Variants in IQCM observed in about 807,000 individuals in gnomAD.
IQCM encodes the protein IQ motif containing M, also known as IQ domain-containing protein M.
In IQCM, 45 loss-of-function variants were observed where a neutral mutation model predicts 57.6. The ratio of observed to expected loss-of-function variants is 0.78; its 90% CI spans 0.62 to 1.00. The LOEUF is 1.00. Among genes scored for constraint, IQCM ranks in the 50% least tolerant of loss-of-function variants. The pLI, the probability that IQCM is intolerant of heterozygous loss-of-function variation, is 0.00. For synonymous variants in IQCM, 148 were observed against 158.9 expected (o/e 0.93, Z 0.51); for missense variants, 468 against 511.6 (o/e 0.91, Z 0.82).
intron 9 of IQCM, among the ~76,000 whole-genome samples, chr4:149,583,366 C>T (rs1752380796): frequency 6.6e-6 from 1 of 151,444 alleles, no homozygotes; most frequent in African/African-American, 2.4e-5. Flanking sequence ...GGCTGATGAC[C>T]AGCCTCTGAA....
intron 2 of IQCM, among the ~76,000 whole-genome samples, chr4:149,796,171 G>A (rs1233705102): frequency 1.3e-4 from 20 of 152,164 alleles, no homozygotes; most frequent in Admixed American, 1.3e-3. Flanking sequence ...GGGGACAGAG[G>A]GGAGCCCACT....
At chr4:149,736,431 C>T (rs537332515) in intron 3 of IQCM, among the ~76,000 whole-genome samples, 2 of 152,258 alleles carry the variant, frequency 1.3e-5, no homozygotes, top group East Asian at 3.9e-4. Flanking sequence ...GATCCTGACA[C>T]TTATAAGTGT....
chr4:149,716,217 C>A lies in IQCM; in HGVS notation c.385+17027G>T, dbSNP rs548340463. On this transcript the variant is annotated intron_variant, in intron 5 of 13. Coordinates refer to ENST00000636793, the MANE Select transcript of IQCM (RefSeq NM_001363507.2). The stretch of plus-strand genomic sequence containing the variant: ...TCCCACACCGAGCTGCCTTCAGCAA[C>A]CCCCTTGGCCTCCGTCCCATGCTTG... Among the ~76,000 whole-genome samples the A allele has an allele frequency of 1.1e-3, 174 of 152,364 alleles. 1 individual carries two copies. The highest frequency in any genetic ancestry group is 1.7e-3 in the Non-Finnish European group (115 of 68,040).
intron 13 of IQCM, among the ~76,000 whole-genome samples, chr4:149,382,774 T>A (rs1456325872): frequency 6.6e-6 from 1 of 152,088 alleles, no homozygotes; most frequent in African/African-American, 2.4e-5. Flanking sequence ...AAGGCCCTAT[T>A]ATGTAATTGT....
At chr4:149,593,328 G>A (rs1753403457) in intron 8 of IQCM, among the ~76,000 whole-genome samples, 1 of 152,248 alleles carries the variant, frequency 6.6e-6, no homozygotes. Flanking sequence ...CTTTGCTGAA[G>A]TTGCCTACCA....
At chr4:149,514,174 C>T (rs909649188) in intron 12 of IQCM, among the ~76,000 whole-genome samples, 2 of 152,116 alleles carry the variant, frequency 1.3e-5, no homozygotes, top group Non-Finnish European at 2.9e-5. Context: ...ATTCCTAGTA[C>T]TTGACCCAAA....
rs2149888790 is a variant in IQCM, at chr4:149,733,371, CCTTCT to C, written c.253_257del (p.Arg85AspfsTer29). The C allele has an allele frequency of 8.1e-7, 1 of 1,231,784 alleles. No homozygotes were observed. Among genetic ancestry groups the C allele is most frequent in the African/African-American group, 1.6e-5 (1 of 64,482 alleles). The allele number at this position is 1,231,784 out of a possible 1,614,324, so 76.3% of individuals were successfully genotyped here. On this transcript the variant is annotated frameshift_variant, in exon 5 of 14. Coordinates refer to ENST00000636793, the MANE Select transcript of IQCM (RefSeq NM_001363507.2). LOFTEE classifies it high-confidence loss of function. Reference sequence around the variant, plus strand: ...TGGAAAGCTCCTTGGGAAAGCAAATCCTTCTGAGTGCGGCCCGATGTTCTTGCACC... The same window carrying C: ...TGGAAAGCTCCTTGGGAAAGCAAATCGAGTGCGGCCCGATGTTCTTGCACC...
At chr4:149,744,490 A>T (rs1035764307) in intron 2 of IQCM, among the ~76,000 whole-genome samples, 1 of 152,172 alleles carries the variant, frequency 6.6e-6, no homozygotes, top group Non-Finnish European at 1.5e-5. Flanking sequence ...CAGGAGTGTC[A>T]GCCTGCATTA....
chr4:149,434,612 T>C (rs560293158), intron 12 of IQCM, among the ~76,000 whole-genome samples: 198 of 152,232 alleles, frequency 1.3e-3, no homozygotes, highest in African/African-American at 4.4e-3. Flanking sequence ...ATGACATGAT[T>C]TGATGGCAAG....
intron 8 of IQCM, among the ~76,000 whole-genome samples, chr4:149,615,097 C>T (rs893579854): frequency 2.0e-5 from 3 of 151,952 alleles, no homozygotes; most frequent in East Asian, 1.9e-4. Context: ...TTGATTGTCA[C>T]GTCTCAGAAT....
chr4:149,566,380 T>A (rs895852864), intron 9 of IQCM, among the ~76,000 whole-genome samples: 2 of 152,196 alleles, frequency 1.3e-5, no homozygotes, highest in African/African-American at 4.8e-5. Context: ...GGTAGGGTGA[T>A]ATGTAATGTG....
intron 2 of IQCM, among the ~76,000 whole-genome samples, chr4:149,746,575 TTC>T (rs1767955922): frequency 6.6e-6 from 1 of 152,180 alleles, no homozygotes; most frequent in African/African-American, 2.4e-5. Flanking sequence ...CCCTGAGCTC[TTC>T]TCTCTTATGC....
At chr4:149,483,974 C>A (rs1741189654) in intron 12 of IQCM, among the ~76,000 whole-genome samples, 1 of 151,906 alleles carries the variant, frequency 6.6e-6, no homozygotes, top group South Asian at 2.1e-4. Context: ...TATATATTTA[C>A]AATCATGATA....
intron 12 of IQCM, among the ~76,000 whole-genome samples, chr4:149,541,839 G>A (rs1279578727): frequency 1.3e-5 from 2 of 152,108 alleles, no homozygotes; most frequent in Non-Finnish European, 2.9e-5. Flanking sequence ...GTACACTAAA[G>A]TAGTTAATCA....
intron 12 of IQCM, among the ~76,000 whole-genome samples, chr4:149,544,601 A>G (rs1443850285): frequency 6.6e-6 from 1 of 152,164 alleles, no homozygotes; most frequent in East Asian, 1.9e-4. Flanking sequence ...ACCTTGAGAA[A>G]GAAAAACAAA....
In IQCM at chr4:149,388,615, GA is replaced by G. The variant is rs1731615075; in HGVS notation, c.1391-36550del. ...ACATATATACACATATATAGGCAAA[GA>G]ATATATATATACACATATATGGGCA... On this transcript the variant is annotated intron_variant, in intron 13 of 13. Coordinates refer to ENST00000636793, the MANE Select transcript of IQCM (RefSeq NM_001363507.2). 3.7e-5 allele frequency among the ~76,000 whole-genome samples: 5 copies of G among 135,844 alleles called. No individual in the cohort carries two copies. In the South Asian group the frequency reaches 1.1e-3, roughly 30 times the overall value. 89.1% of individuals were successfully genotyped at this position (135,844 alleles called of 152,430 possible). A position where few individuals can be genotyped will look rare whatever the true frequency, so the allele number is the denominator to read the frequency against.
chr4:149,511,741 G>A (rs1265521686), intron 12 of IQCM, among the ~76,000 whole-genome samples: 1 of 152,064 alleles, frequency 6.6e-6, no homozygotes, highest in African/African-American at 2.4e-5. Context: ...CAGTGATAGT[G>A]TCTATCCTCT....
At chr4:149,415,027 T>C (rs559457275) in intron 13 of IQCM, among the ~76,000 whole-genome samples, 1 of 152,326 alleles carries the variant, frequency 6.6e-6, no homozygotes, top group South Asian at 2.1e-4. Context: ...ATTTTTCATT[T>C]ATGTTCCATA....
intron 5 of IQCM, among the ~76,000 whole-genome samples, chr4:149,695,741 A>G (rs1252784322): frequency 6.6e-6 from 1 of 152,188 alleles, no homozygotes; most frequent in African/African-American, 2.4e-5. Context: ...CAGAAAACAG[A>G]AAGAATGGGA....
Sources: gnomAD v4.1 joint callset for allele counts (sites outside exome capture counted in the v4.1 genomes callset) on GRCh38, gnomAD v4.1.1 for gene constraint, MANE v1.5 for transcripts, NCBI Gene and HGNC (gene_info 2026-07-23, HGNC 2026-07-21) for gene names.